PPM1L: variants seen among roughly 807,000 people sequenced by gnomAD.
PPM1L encodes the protein protein phosphatase 1L.
PPM1L carries 13 observed loss-of-function variants against 31.4 expected under a neutral mutation model. The observed-to-expected ratio is 0.41, with a 90% confidence interval of 0.27 to 0.66. The LOEUF (loss-of-function observed/expected upper bound fraction) is 0.66, where lower values mean the gene tolerates loss of function less well. Among genes scored for constraint, PPM1L ranks in the 30% least tolerant of loss-of-function variants. PPM1L has a pLI of 0.29. For missense variants in PPM1L, 326 were observed against 453.7 expected (o/e 0.72, Z 2.56); for synonymous variants, 184 against 175.4 (o/e 1.05, Z -0.39).
chr3:160,980,245 G>A (rs1716749589), intron 2 of PPM1L, among the ~76,000 whole-genome samples: 1 of 151,980 alleles, frequency 6.6e-6, no homozygotes, highest in African/African-American at 2.4e-5. Context: ...TGGCCTTTTA[G>A]TCAGATTTCT....
chr3:160,793,170 G>A (rs1280462505), intron 1 of PPM1L, among the ~76,000 whole-genome samples: 2 of 152,124 alleles, frequency 1.3e-5, no homozygotes, highest in East Asian at 3.9e-4. Flanking sequence ...CTATTTGGAA[G>A]GAAGTCACTA....
At position 160,756,472 on chromosome 3, in the gene PPM1L, C is replaced by T. The variant is rs915122594; in HGVS notation, c.164C>T (p.Ala55Val). 1.2e-6 allele frequency: 2 copies of T among 1,614,042 alleles called. No individual in the cohort carries two copies. The highest frequency in any genetic ancestry group is 2.2e-5 in the East Asian group (1 of 44,886). The change falls in exon 1 of 4, where the codon GCC becomes GTC. Residue 55 changes from alanine (A) to valine (V), a missense_variant. This residue lies in a region of PPM1L where 42 missense variants were observed against 76.1 expected (regional missense o/e 0.55). Coordinates refer to ENST00000498165, the MANE Select transcript of PPM1L (RefSeq NM_139245.4). The surrounding 1 kb of genome is among the most constrained non-coding windows in gnomAD (Gnocchi z 6.2). The part of the protein sequence containing the change: ...VKTIVKSSRD[A>V]VKMVKGKVAE... ...ACCATCGTGAAGTCCAGCCGGGACGCCGTGAAGATGGTGAAGGGCAAGGTA... is the reference window on the plus strand; with the variant it reads ...ACCATCGTGAAGTCCAGCCGGGACGTCGTGAAGATGGTGAAGGGCAAGGTA...
At chr3:161,053,896 A>G (rs938426663) in intron 2 of PPM1L, among the ~76,000 whole-genome samples, 7 of 152,254 alleles carry the variant, frequency 4.6e-5, no homozygotes, top group Non-Finnish European at 7.3e-5. Context: ...GTCAAACTCA[A>G]TAGTTGATAT....
At chr3:160,788,247 C>T (rs1356253230) in intron 1 of PPM1L, among the ~76,000 whole-genome samples, 2 of 152,120 alleles carry the variant, frequency 1.3e-5, no homozygotes, top group East Asian at 3.8e-4. Context: ...TATCCATGAG[C>T]ATGGAATGTT....
intron 2 of PPM1L, among the ~76,000 whole-genome samples, chr3:161,042,576 T>C (rs1479203622): frequency 6.6e-6 from 1 of 152,212 alleles, no homozygotes; most frequent in Non-Finnish European, 1.5e-5. Context: ...GTGCTGTCTA[T>C]GGGCCTAGAC....
chr3:160,890,771 A>T (rs917505717), intron 1 of PPM1L, among the ~76,000 whole-genome samples: 1 of 152,204 alleles, frequency 6.6e-6, no homozygotes, highest in Non-Finnish European at 1.5e-5. Flanking sequence ...ACTGTTACCA[A>T]AACAGACATA....
intron 1 of PPM1L, among the ~76,000 whole-genome samples, chr3:160,763,518 A>G (rs1310202137): frequency 1.3e-5 from 2 of 152,372 alleles, no homozygotes; most frequent in Middle Eastern, 3.4e-3. Context: ...ACAAAAATAT[A>G]CCAGCATGCT....
intron 2 of PPM1L, among the ~76,000 whole-genome samples, chr3:161,058,784 C>T (rs987304293): frequency 2.0e-5 from 3 of 152,194 alleles, no homozygotes; most frequent in Admixed American, 2.0e-4. Context: ...GTTATTACAA[C>T]TTTGTTATGA....
At chr3:161,020,451 T>C (rs937394274) in intron 2 of PPM1L, among the ~76,000 whole-genome samples, 3 of 152,166 alleles carry the variant, frequency 2.0e-5, no homozygotes, top group Non-Finnish European at 2.9e-5. Flanking sequence ...CAGAGAAGCA[T>C]TTCAGAGAAG....
intron 1 of PPM1L, among the ~76,000 whole-genome samples, chr3:160,782,761 G>T (rs1370732699): frequency 1.3e-5 from 2 of 152,140 alleles, no homozygotes; most frequent in Non-Finnish European, 2.9e-5. Flanking sequence ...GCTTAGAAAT[G>T]TTGTAAAGTA....
chr3:160,907,881 A>G (rs540239044), intron 1 of PPM1L, among the ~76,000 whole-genome samples: 2 of 152,228 alleles, frequency 1.3e-5, no homozygotes, highest in South Asian at 2.1e-4. Flanking sequence ...GAATACCCCA[A>G]CTTTGCTCTC....
At chr3:160,894,244 A>G (rs1260957038) in intron 1 of PPM1L, among the ~76,000 whole-genome samples, 3 of 152,162 alleles carry the variant, frequency 2.0e-5, no homozygotes, top group Non-Finnish European at 4.4e-5. Context: ...TTTAGATTAG[A>G]TTTAGACCAT....
At chr3:160,767,611 A>C (rs1020287480) in intron 1 of PPM1L, among the ~76,000 whole-genome samples, 1 of 152,220 alleles carries the variant, frequency 6.6e-6, no homozygotes, top group Non-Finnish European at 1.5e-5. Flanking sequence ...CTGGAGTAGT[A>C]AACACTTATT....
chr3:161,013,875 G>T (rs1008628406), intron 2 of PPM1L, among the ~76,000 whole-genome samples: 4 of 151,966 alleles, frequency 2.6e-5, no homozygotes, highest in African/African-American at 4.8e-5. Flanking sequence ...CATTTGCTTG[G>T]TAGATCTTCC....
At chr3:160,976,910 A>T (rs1054374583) in intron 2 of PPM1L, among the ~76,000 whole-genome samples, 7 of 152,036 alleles carry the variant, frequency 4.6e-5, no homozygotes, top group African/African-American at 1.2e-4. Flanking sequence ...TCTTGCCTTC[A>T]GCTAGCTTTT....
chr3:160,891,811 G>A (rs1713156171), intron 1 of PPM1L, among the ~76,000 whole-genome samples: 1 of 152,196 alleles, frequency 6.6e-6, no homozygotes, highest in Non-Finnish European at 1.5e-5. Flanking sequence ...GGAATACTAT[G>A]CAGTCATAAA....
intron 1 of PPM1L, among the ~76,000 whole-genome samples, chr3:160,843,235 G>A (rs1239208899): frequency 6.6e-6 from 1 of 151,326 alleles, no homozygotes; most frequent in Non-Finnish European, 1.5e-5. Flanking sequence ...CTAAACAATA[G>A]TGTTCCTATT....
At chr3:160,777,685 A>G (rs1375699474) in intron 1 of PPM1L, among the ~76,000 whole-genome samples, 1 of 152,132 alleles carries the variant, frequency 6.6e-6, no homozygotes, top group Non-Finnish European at 1.5e-5. Flanking sequence ...GTAACATGTG[A>G]CAGGATTTCT....
intron 2 of PPM1L, among the ~76,000 whole-genome samples, chr3:161,063,964 A>G (rs1576625843): frequency 1.3e-5 from 2 of 152,258 alleles, no homozygotes; most frequent in African/African-American, 4.8e-5. Context: ...GTGGGAGTTG[A>G]ACAATGAGAA....
Sources: gnomAD v4.1 joint callset for allele counts (sites outside exome capture counted in the v4.1 genomes callset) on GRCh38, gnomAD v4.1.1 for gene constraint, gnomAD v4.1.1 regional missense constraint, Gnocchi (gnomAD v3.1) non-coding constraint, MANE v1.5 for transcripts, NCBI Gene and HGNC (gene_info 2026-07-23, HGNC 2026-07-21) for gene names.